The following NDST4 variants were observed in gnomAD, a reference collection of about 807,000 sequenced individuals.
The protein encoded by NDST4 is N-deacetylase and N-sulfotransferase 4.
NDST4 carries 63 observed loss-of-function variants against 100.8 expected under a neutral mutation model. The observed-to-expected ratio is 0.62, with a 90% CI of 0.51 to 0.77. The LOEUF is 0.77. NDST4 is among the 30% of genes least tolerant of loss of function. NDST4 has a pLI of 0.00. For synonymous variants in NDST4, 377 were observed against 361.8 expected (o/e 1.04, Z -0.48); for missense variants, 943 against 1,018.4 (o/e 0.93, Z 1.01).
At chr4:115,033,086 C>T (rs528846886) in intron 2 of NDST4, among the ~76,000 whole-genome samples, 3 of 147,162 alleles carry the variant, frequency 2.0e-5, no homozygotes, top group Admixed American at 6.8e-5. Flanking sequence ...TTTTGATAAT[C>T]TGTCAATTAA....
At chr4:115,061,846 A>G (rs913042297) in intron 2 of NDST4, among the ~76,000 whole-genome samples, 2 of 152,096 alleles carry the variant, frequency 1.3e-5, no homozygotes, top group Non-Finnish European at 2.9e-5. Context: ...CTACTTTAAA[A>G]AAGCATGGCA....
chr4:114,925,833 A>T (rs564371411), intron 6 of NDST4, among the ~76,000 whole-genome samples: 2 of 152,218 alleles, frequency 1.3e-5, no homozygotes, highest in East Asian at 3.9e-4. Flanking sequence ...GAAAACAGAA[A>T]ATTCTATTTT....
rs139422834 is a variant in NDST4 at position 115,019,725 on chromosome 4, C to T, written c.979-42451G>A. Among the ~76,000 whole-genome samples, 367 of 152,114 alleles carry T rather than the reference C, an allele frequency of 2.4e-3. 1 individual carries two copies. The highest frequency in any genetic ancestry group is 8.4e-3 in the African/African-American group (350 of 41,486). ...TTGTAATGGAATAAAGGATTGGGACCCCTAAGAGGTGATCAGGGCATAAGG... is the reference window on the plus strand; with the variant it reads ...TTGTAATGGAATAAAGGATTGGGACTCCTAAGAGGTGATCAGGGCATAAGG... On this transcript the variant is annotated intron_variant, in intron 2 of 13. Coordinates refer to ENST00000264363, the MANE Select transcript of NDST4 (RefSeq NM_022569.3).
At chr4:115,101,553 A>C (rs1281781196) in intron 1 of NDST4, among the ~76,000 whole-genome samples, 4 of 152,108 alleles carry the variant, frequency 2.6e-5, no homozygotes, top group African/African-American at 9.7e-5. Flanking sequence ...TAAATAATAT[A>C]AAAATAAATA....
intron 2 of NDST4, among the ~76,000 whole-genome samples, chr4:115,055,895 G>A (rs1033666557): frequency 6.6e-6 from 1 of 151,988 alleles, no homozygotes; most frequent in Non-Finnish European, 1.5e-5. Context: ...CTCACAGTGT[G>A]GGCAACATTT....
Position 115,058,370 on chromosome 4 carries a change from G to A in NDST4, c.978+17689C>T, listed in dbSNP as rs112595314. 8.2e-3 allele frequency among the ~76,000 whole-genome samples: 1,254 copies of A among 152,270 alleles called. 21 individuals are homozygous for A. Among genetic ancestry groups the A allele is most frequent in the African/African-American group, 0.028 (1,167 of 41,576 alleles). ...TCATACCATTGCCAATGGAAATGCA[G>A]CAGATCTGACAATTTTTGTAATGGG... is the stretch of plus-strand genomic sequence containing the variant. On this transcript the variant is annotated intron_variant, in intron 2 of 13. Transcript: ENST00000264363.
chr4:114,832,091 TA>T (rs1399779726), intron 12 of NDST4, among the ~76,000 whole-genome samples: 2 of 152,220 alleles, frequency 1.3e-5, no homozygotes, highest in African/African-American at 4.8e-5. Context: ...TATTGAACCA[TA>T]AGCAACTATT....
At chr4:114,888,623 C>T (rs1724528714) in intron 6 of NDST4, among the ~76,000 whole-genome samples, 2 of 152,194 alleles carry the variant, frequency 1.3e-5, no homozygotes, top group South Asian at 4.1e-4. Flanking sequence ...GATTCCAAAG[C>T]TCAGGTTCTT....
At chr4:114,937,719 T>A (rs1012782255) in intron 4 of NDST4, among the ~76,000 whole-genome samples, 3 of 152,038 alleles carry the variant, frequency 2.0e-5, no homozygotes, top group African/African-American at 7.2e-5. Context: ...ATGTGGTGTG[T>A]GGGTGAGATT....
At chr4:115,086,346 A>T (rs1383508994) in intron 1 of NDST4, among the ~76,000 whole-genome samples, 2 of 152,128 alleles carry the variant, frequency 1.3e-5, no homozygotes, top group African/African-American at 4.8e-5. Flanking sequence ...GTTATATTTA[A>T]TCAAAATCGA....
At position 115,076,690 on chromosome 4, in the gene NDST4, TC is replaced by T. The variant is rs1453953673; in HGVS notation, c.346del (p.Asp116IlefsTer15). The part of the protein sequence containing the change: ...YHMVIAPGKG[D>X]IPPLTDNGKG... ...GCCATTATCTGTAAGAGGAGGTATA[TC>T]TCCCTTTCCAGGGGCAATAACCATG... On this transcript the variant is annotated frameshift_variant, in exon 2 of 14. Coordinates refer to ENST00000264363, the MANE Select transcript of NDST4 (RefSeq NM_022569.3). LOFTEE classifies it high-confidence loss of function. The T allele has an allele frequency of 6.2e-7, 1 of 1,613,882 alleles. No homozygotes were observed. The highest frequency in any genetic ancestry group is 8.5e-7 in the Non-Finnish European group (1 of 1,179,898).
At chr4:114,864,531 C>T (rs1723984662) in intron 7 of NDST4, among the ~76,000 whole-genome samples, 2 of 152,128 alleles carry the variant, frequency 1.3e-5, no homozygotes, top group Admixed American at 1.3e-4. Flanking sequence ...TAATACAATC[C>T]ATGTACACTG....
At chr4:114,854,841 G>C (rs2126189933) in intron 7 of NDST4, among the ~76,000 whole-genome samples, 1 of 152,060 alleles carries the variant, frequency 6.6e-6, no homozygotes, top group Admixed American at 6.5e-5. Context: ...TTTTCGTTTT[G>C]TGTGGAAACT....
At position 114,970,460 on chromosome 4, in the gene NDST4, C is replaced by G. The variant is rs769145049; in HGVS notation, c.1191G>C (p.Glu397Asp). 1 of 1,613,854 alleles carries G rather than the reference C, an allele frequency of 6.2e-7. No homozygotes were observed. The highest frequency in any genetic ancestry group is 8.5e-7 in the Non-Finnish European group (1 of 1,179,824). The change falls in exon 4 of 14, where the codon GAG (glutamate) becomes GAC (aspartate). Residue 397 changes from glutamate (E) to aspartate (D), a missense_variant. Glu to Asp is a conservative substitution (Grantham distance 45). Coordinates refer to ENST00000264363, the MANE Select transcript of NDST4 (RefSeq NM_022569.3). ...HLFHNESSLV[E>D]QMILNKEFAL... Reference sequence around the variant, plus strand: ...CAAATTCCTTGTTGAGAATCATCTGCTCTACTAAAGATGACTCGTTGTGGA... The same window carrying G: ...CAAATTCCTTGTTGAGAATCATCTGGTCTACTAAAGATGACTCGTTGTGGA...
chr4:114,899,469 G>A (rs74830408), intron 6 of NDST4, among the ~76,000 whole-genome samples: 5,284 of 152,022 alleles, frequency 0.035, 270 homozygotes, highest in African/African-American at 0.12. Flanking sequence ...GAGACACCAC[G>A]CCCAGCCTAG....
intron 2 of NDST4, among the ~76,000 whole-genome samples, chr4:115,039,628 T>C (rs1728307101): frequency 6.6e-6 from 1 of 152,130 alleles, no homozygotes; most frequent in Non-Finnish European, 1.5e-5. Flanking sequence ...AAAATTTGCA[T>C]CGTCTAACAA....
intron 6 of NDST4, among the ~76,000 whole-genome samples, chr4:114,884,739 A>T (rs1437099566): frequency 6.6e-6 from 1 of 152,184 alleles, no homozygotes; most frequent in East Asian, 1.9e-4. Flanking sequence ...TGAAGAAGTC[A>T]TAGAAAGCAT....
At chr4:114,924,454 AGG>A (rs2126220398) in intron 6 of NDST4, among the ~76,000 whole-genome samples, 1 of 151,598 alleles carries the variant, frequency 6.6e-6, no homozygotes, top group East Asian at 1.9e-4. Context: ...AAGAAGATAA[AGG>A]AAAAAAAAAA....
chr4:115,060,973 G>T (rs878976278), intron 2 of NDST4, among the ~76,000 whole-genome samples: 1 of 151,746 alleles, frequency 6.6e-6, no homozygotes, highest in African/African-American at 2.4e-5. Context: ...AAATTTACAA[G>T]AAAAAACAAA....
Sources: gnomAD v4.1 joint callset for allele counts (sites outside exome capture counted in the v4.1 genomes callset) on GRCh38, gnomAD v4.1.1 for gene constraint, MANE v1.5 for transcripts, NCBI Gene and HGNC (gene_info 2026-07-23, HGNC 2026-07-21) for gene names.